The following WIPF1 variants were observed in gnomAD, a reference collection of about 807,000 sequenced individuals.
WIPF1 encodes the protein WAS/WASL-interacting protein family member 1.
A neutral mutation model predicts 35.4 loss-of-function variants in WIPF1; 13 were observed. That is an observed-to-expected ratio of 0.37 (90% CI 0.24 to 0.58). The LOEUF (loss-of-function observed/expected upper bound fraction) is 0.58, where lower values mean the gene tolerates loss of function less well. Ranked by LOEUF, WIPF1 falls within the 20% of genes least tolerant of loss-of-function variation. The probability of loss-of-function intolerance (pLI) is 0.74; values close to 1 mark genes in which losing one functional copy is unlikely to be tolerated. For synonymous variants in WIPF1, 267 were observed against 266.3 expected, an observed-to-expected ratio of 1.00 and a Z score of -0.02; for missense variants, 591 against 667.0, an observed-to-expected ratio of 0.89 and a Z score of 1.25.
chr2:174,646,948 G>C (rs1403564202), intron 1 of WIPF1, among the ~76,000 whole-genome samples: 1 of 152,130 alleles, frequency 6.6e-6, no homozygotes, highest in Non-Finnish European at 1.5e-5. Context: ...TTTGCATGCA[G>C]GAAATAAAGG....
chr2:174,661,317 A>G lies in WIPF1; in HGVS notation c.-39+21457T>C, dbSNP rs59974718. 7.8e-3 allele frequency among the ~76,000 whole-genome samples: 1,185 copies of G among 152,242 alleles called. 25 individuals carry two copies. Among genetic ancestry groups the G allele is most frequent in the African/African-American group, 0.027 (1,135 of 41,518 alleles). ...CTATCACCCCACTGGCAAAAAGCCT[A>G]TTACATTAAGGTCCTCAGAGACCTC... On this transcript the variant is annotated intron_variant, in intron 1 of 8. Transcript: ENST00000272746.
At chr2:174,570,595 T>C (rs1032760193) in intron 5 of WIPF1, 1 of 151,570 alleles carries the variant, frequency 6.6e-6, no homozygotes, top group East Asian at 1.9e-4. Flanking sequence ...AGGGAGCTTT[T>C]AAATATCCTG....
At chr2:174,575,143 C>T (rs2105815066) in intron 4 of WIPF1, 61 bp downstream of exon 4, 1 of 1,551,288 alleles carries the variant, frequency 6.4e-7, no homozygotes, top group Admixed American at 1.9e-5. Context: ...TATGACCAGC[C>T]TCCAAACTGC....
At chr2:174,636,013 T>C (rs928540448) in intron 1 of WIPF1, among the ~76,000 whole-genome samples, 1 of 152,214 alleles carries the variant, frequency 6.6e-6, no homozygotes, top group Non-Finnish European at 1.5e-5. Context: ...ACATTTAGAT[T>C]AGACAGTTGA....
At chr2:174,651,814 G>A (rs371726175) in intron 1 of WIPF1, among the ~76,000 whole-genome samples, 3 of 152,284 alleles carry the variant, frequency 2.0e-5, no homozygotes, top group East Asian at 1.9e-4. Flanking sequence ...CAGGAATTCC[G>A]AAATGGCACA....
At chr2:174,669,550 T>C (rs1456987558) in intron 1 of WIPF1, among the ~76,000 whole-genome samples, 1 of 152,184 alleles carries the variant, frequency 6.6e-6, no homozygotes, top group African/African-American at 2.4e-5. Context: ...TAGTTCACAA[T>C]CTAATGGGGA....
intron 2 of WIPF1, among the ~76,000 whole-genome samples, chr2:174,585,173 A>G (rs7557132): frequency 0.12 from 17,599 of 152,208 alleles, 1,262 homozygotes; most frequent in African/African-American, 0.2. Context: ...GTTAAAGGCC[A>G]GACATTGAGT....
At chr2:174,669,965 G>A (rs992777428) in intron 1 of WIPF1, among the ~76,000 whole-genome samples, 6 of 152,226 alleles carry the variant, frequency 3.9e-5, no homozygotes, top group Non-Finnish European at 8.8e-5. Flanking sequence ...AAGGTGACAT[G>A]AATTAAGATG....
intron 1 of WIPF1, among the ~76,000 whole-genome samples, chr2:174,605,453 C>T (rs1186975242): frequency 6.6e-6 from 1 of 152,048 alleles, no homozygotes; most frequent in South Asian, 2.1e-4. Context: ...AACAAACAAA[C>T]AAAAGGCAAC....
chr2:174,638,248 G>C (rs1189027669), intron 1 of WIPF1, among the ~76,000 whole-genome samples: 1 of 151,972 alleles, frequency 6.6e-6, no homozygotes, highest in African/African-American at 2.4e-5. Context: ...AGTAAAAAGG[G>C]GAGTCTATTT....
chr2:174,569,971 A>C (rs1426650825), intron 5 of WIPF1, among the ~76,000 whole-genome samples: 1 of 152,242 alleles, frequency 6.6e-6, no homozygotes, highest in Non-Finnish European at 1.5e-5. Flanking sequence ...GGCAGTACCT[A>C]TTGAAATCCA....
At chr2:174,667,041 C>T (rs1044142922) in intron 1 of WIPF1, among the ~76,000 whole-genome samples, 4 of 152,224 alleles carry the variant, frequency 2.6e-5, no homozygotes, top group Admixed American at 6.5e-5. Flanking sequence ...TGTATCAGAT[C>T]GGGTTTAAGA....
At chr2:174,593,275 G>A (rs1360813009) in intron 1 of WIPF1, among the ~76,000 whole-genome samples, 1 of 151,820 alleles carries the variant, frequency 6.6e-6, no homozygotes, top group Non-Finnish European at 1.5e-5. Flanking sequence ...ACACACAATT[G>A]TTTGACAAAA....
At position 174,635,176 on chromosome 2, in the gene WIPF1, C is replaced by T. The variant is rs541832449; in HGVS notation, c.-39+47598G>A. Reference sequence around the variant, plus strand: ...TGTGGTCATGCTGTCAGACAGTGTGCCCCAATTGTTGGTTCGGAAAACAAA... The same window carrying T: ...TGTGGTCATGCTGTCAGACAGTGTGTCCCAATTGTTGGTTCGGAAAACAAA... On this transcript the variant is annotated intron_variant, in intron 1 of 8. Coordinates refer to the WIPF1 transcript ENST00000272746. 2.4e-4 allele frequency among the ~76,000 whole-genome samples: 36 copies of T among 152,328 alleles called. 1 individual carries two copies. Among genetic ancestry groups the T allele is most frequent in the African/African-American group, 8.4e-4 (35 of 41,564 alleles).
At chr2:174,619,226 T>C (rs921677409) in intron 1 of WIPF1, among the ~76,000 whole-genome samples, 2 of 152,242 alleles carry the variant, frequency 1.3e-5, no homozygotes, top group Non-Finnish European at 2.9e-5. Flanking sequence ...AATGTAGTTT[T>C]GAATCCAGTT....
rs748400231 is a variant in WIPF1, at chr2:174,575,312, C to T, written c.250G>A (p.Gly84Ser). 1.9e-6 allele frequency: 3 copies of T among 1,613,896 alleles called. No homozygotes were observed. The highest frequency in any genetic ancestry group is 2.5e-6 in the Non-Finnish European group (3 of 1,179,930). Residue 84 changes from glycine to serine, a missense_variant, in exon 4 of 8, where the codon GGT becomes AGT. Transcript: ENST00000679041. ...FGGGGGFGGG[G>S]GGGGGGSFGG... ...AAACTTCCACCGCCTCCGCCACCAC[C>T]TCCTCCGCCAAATCCGCCGCCTCCA...
chr2:174,649,830 C>G (rs926799515), intron 1 of WIPF1, among the ~76,000 whole-genome samples: 1 of 152,164 alleles, frequency 6.6e-6, no homozygotes, highest in Non-Finnish European at 1.5e-5. Context: ...AAGAATAATT[C>G]TGAATAGACG....
At chr2:174,588,900 A>AT (rs904353380) in intron 1 of WIPF1, among the ~76,000 whole-genome samples, 1 of 152,176 alleles carries the variant, frequency 6.6e-6, no homozygotes, top group Non-Finnish European at 1.5e-5. Context: ...ACTTGTTTGC[A>AT]TGGCTTGCTT....
intron 1 of WIPF1, among the ~76,000 whole-genome samples, chr2:174,658,950 T>A (rs1018060733): frequency 1.3e-5 from 2 of 152,074 alleles, no homozygotes; most frequent in Non-Finnish European, 2.9e-5. Context: ...CTCGGACAAG[T>A]CATTTCAGCC....
Sources: gnomAD v4.1 joint callset for allele counts (sites outside exome capture counted in the v4.1 genomes callset) on GRCh38, gnomAD v4.1.1 for gene constraint, MANE v1.5 for transcripts, NCBI Gene and HGNC (gene_info 2026-07-23, HGNC 2026-07-21) for gene names.